The following AGTR1 variants were observed in gnomAD, a reference collection of about 807,000 sequenced individuals.
AGTR1 encodes angiotensin II receptor type 1.
AGTR1 carries 16 observed loss-of-function variants against 19.4 expected under a neutral mutation model. The observed-to-expected ratio is 0.82, with a 90% CI of 0.56 to 1.25. The LOEUF (loss-of-function observed/expected upper bound fraction) is 1.25. Among genes scored for constraint, AGTR1 ranks in the 50% most tolerant of loss-of-function variants. The pLI is 0.00. For missense variants in AGTR1, 373 were observed against 431.9 expected (o/e 0.86, Z 1.21); for synonymous variants, 153 against 154.9 (o/e 0.99, Z 0.09).
At chr3:148,706,372 G>T (rs554586012) in intron 1 of AGTR1, among the ~76,000 whole-genome samples, 82 of 152,074 alleles carry the variant, frequency 5.4e-4, no homozygotes, top group Non-Finnish European at 8.1e-4. Flanking sequence ...AAGTTGGTAT[G>T]CCTAAATGCT....
chr3:148,738,821 G>A (rs1180924273), intron 2 of AGTR1, among the ~76,000 whole-genome samples: 1 of 152,190 alleles, frequency 6.6e-6, no homozygotes, highest in African/African-American at 2.4e-5. Flanking sequence ...GGAGCAACAT[G>A]TGATTTCACA....
At chr3:148,701,056 T>C (rs963880359) in intron 1 of AGTR1, among the ~76,000 whole-genome samples, 1 of 152,218 alleles carries the variant, frequency 6.6e-6, no homozygotes, top group African/African-American at 2.4e-5. Context: ...AACTTTTTAA[T>C]AGCTTAATAT....
chr3:148,722,353 G>A (rs1713694899), intron 2 of AGTR1, among the ~76,000 whole-genome samples: 2 of 152,134 alleles, frequency 1.3e-5, no homozygotes, highest in African/African-American at 4.8e-5. Context: ...GACTGAAATT[G>A]AACTTCTAGA....
Position 148,698,768 on chromosome 3 carries a change from C to T in AGTR1, c.-132+641C>T, listed in dbSNP as rs910263915. ...GCAAGATGTCTCCACACCCCAATCC[C>T]TACAGCCTTAGCCAATGCATGTGTG... On this transcript the variant is annotated intron_variant, in intron 1 of 2. Coordinates refer to ENST00000349243, the MANE Select transcript of AGTR1 (RefSeq NM_000685.5). Among the ~76,000 whole-genome samples the T allele has an allele frequency of 1.8e-4, 27 of 152,328 alleles. 1 individual carries two copies. Among genetic ancestry groups the T allele is most frequent in the Admixed American group, 1.7e-3 (26 of 15,304 alleles).
chr3:148,708,317 C>A (rs1712789772), intron 2 of AGTR1, among the ~76,000 whole-genome samples: 1 of 152,130 alleles, frequency 6.6e-6, no homozygotes, highest in Admixed American at 6.5e-5. Flanking sequence ...CACATGGCCA[C>A]AGGTGATTCC....
intron 2 of AGTR1, among the ~76,000 whole-genome samples, chr3:148,737,562 G>A (rs1714637277): frequency 6.6e-6 from 1 of 152,090 alleles, no homozygotes; most frequent in Non-Finnish European, 1.5e-5. Flanking sequence ...GGAGAACTGT[G>A]ACTTTATTCC....
chr3:148,736,518 G>A (rs1288591272), intron 2 of AGTR1, among the ~76,000 whole-genome samples: 1 of 152,128 alleles, frequency 6.6e-6, no homozygotes. Flanking sequence ...AAAGATTCAA[G>A]TAAAACATAT....
In AGTR1 at chr3:148,716,890, A is replaced by G. The variant is rs1713331899; in HGVS notation, c.-48+8863A>G. 6.6e-6 allele frequency among the ~76,000 whole-genome samples: 1 copy of G among 152,198 alleles called. No homozygotes were observed. Among genetic ancestry groups the G allele is most frequent in the Non-Finnish European group, 1.5e-5 (1 of 68,032 alleles). On this transcript the variant is annotated intron_variant, in intron 2 of 2. Transcript: ENST00000349243. The surrounding 1 kb of genome is among the most constrained non-coding windows in gnomAD (Gnocchi z 4.7). ...CAGTTATTTTGTCTGGTAGAGTCACAGAGTTAAGCTGTCATTCAGATCAGA... is the reference window on the plus strand; with the variant it reads ...CAGTTATTTTGTCTGGTAGAGTCACGGAGTTAAGCTGTCATTCAGATCAGA...
intron 1 of AGTR1, among the ~76,000 whole-genome samples, chr3:148,706,412 A>G (rs2107929063): frequency 6.6e-6 from 1 of 152,170 alleles, no homozygotes; most frequent in East Asian, 1.9e-4. Context: ...TGGTTTAAAA[A>G]TTAACCTATA....
chr3:148,732,361 C>G (rs180919859), intron 2 of AGTR1, among the ~76,000 whole-genome samples: 18 of 152,184 alleles, frequency 1.2e-4, no homozygotes, highest in African/African-American at 4.3e-4. Flanking sequence ...AGAACCACAA[C>G]CAGCTATCCA....
At chr3:148,735,633 A>G (rs1193931912) in intron 2 of AGTR1, among the ~76,000 whole-genome samples, 1 of 152,224 alleles carries the variant, frequency 6.6e-6, no homozygotes, top group Non-Finnish European at 1.5e-5. Flanking sequence ...ACAGAGGGCT[A>G]AGAAATAAGA....
chr3:148,719,483 AT>A (rs1713489905), intron 2 of AGTR1, among the ~76,000 whole-genome samples: 1 of 152,146 alleles, frequency 6.6e-6, no homozygotes, highest in African/African-American at 2.4e-5. Context: ...TGAAACATAT[AT>A]TTTTGTACAC....
At chr3:148,707,251 A>T (rs1712722811) in intron 1 of AGTR1, among the ~76,000 whole-genome samples, 2 of 152,116 alleles carry the variant, frequency 1.3e-5, no homozygotes. Flanking sequence ...ATACATATTT[A>T]TATGCATGTG....
intron 1 of AGTR1, among the ~76,000 whole-genome samples, chr3:148,707,212 A>G (rs926600307): frequency 3.3e-5 from 5 of 152,186 alleles, no homozygotes; most frequent in Non-Finnish European, 2.9e-5. Context: ...AGAAAATACT[A>G]TGATGTACAA....
chr3:148,729,249 G>T (rs1229058555), intron 2 of AGTR1, among the ~76,000 whole-genome samples: 2 of 152,166 alleles, frequency 1.3e-5, no homozygotes, highest in African/African-American at 2.4e-5. Flanking sequence ...TGATGGTCTT[G>T]GTGTGGCACA....
chr3:148,704,335 C>T (rs1712541574), intron 1 of AGTR1, among the ~76,000 whole-genome samples: 1 of 151,550 alleles, frequency 6.6e-6, no homozygotes, highest in African/African-American at 2.4e-5. Flanking sequence ...CACTGCACTC[C>T]AGCCTGAGCA....
intron 2 of AGTR1, among the ~76,000 whole-genome samples, chr3:148,727,956 T>G (rs1056238231): frequency 1.3e-5 from 2 of 152,132 alleles, no homozygotes; most frequent in Non-Finnish European, 2.9e-5. Context: ...TCCCACGCAT[T>G]GTAAAATGGT....
chr3:148,706,895 A>G lies in AGTR1; in HGVS notation c.-131-1049A>G, dbSNP rs571932423. 1.1e-4 allele frequency among the ~76,000 whole-genome samples: 16 copies of G among 152,208 alleles called. No individual in the cohort carries two copies. The East Asian group carries it at 2.7e-3, about 26-fold the overall frequency. On this transcript the variant is annotated intron_variant, in intron 1 of 2. Transcript: ENST00000349243. ...CCTTAACGGAGGACATTTTATGAAT[A>G]TCTATCAAAAACTTAGCATATACAA...
At chr3:148,740,147 T>A (rs968129449) in intron 2 of AGTR1, among the ~76,000 whole-genome samples, 1 of 152,258 alleles carries the variant, frequency 6.6e-6, no homozygotes. Flanking sequence ...CTCCCCAGAA[T>A]TCTAAAAAAC....
Sources: allele counts gnomAD v4.1 joint callset (sites outside exome capture counted in the v4.1 genomes callset), GRCh38; gene constraint gnomAD v4.1.1; non-coding constraint Gnocchi (gnomAD v3.1); transcripts MANE v1.5; gene names NCBI Gene and HGNC (gene_info 2026-07-23, HGNC 2026-07-21).